SLC39A11: variants seen among roughly 807,000 people sequenced by gnomAD.
The protein encoded by SLC39A11 is zinc transporter ZIP11.
In SLC39A11, 33 loss-of-function variants were observed where a neutral mutation model predicts 36.1. That is an observed-to-expected ratio of 0.91 (90% confidence interval 0.69 to 1.22). The LOEUF (loss-of-function observed/expected upper bound fraction) is 1.22. SLC39A11 is among the 50% of genes most tolerant of loss of function. The pLI, the probability that SLC39A11 is intolerant of heterozygous loss-of-function variation, is 0.00. For synonymous variants in SLC39A11, 166 were observed against 170.3 expected, an observed-to-expected ratio of 0.97 and a Z score of 0.20; for missense variants, 432 against 430.3, an observed-to-expected ratio of 1.00 and a Z score of -0.03.
At chr17:73,075,015 C>T (rs1466410745) in intron 3 of SLC39A11, among the ~76,000 whole-genome samples, 1 of 152,172 alleles carries the variant, frequency 6.6e-6, no homozygotes, top group Non-Finnish European at 1.5e-5. Context: ...ACAGCAGACC[C>T]ACAGCAAATA....
chr17:73,065,657 C>A (rs541920423), intron 3 of SLC39A11, among the ~76,000 whole-genome samples: 1 of 152,288 alleles, frequency 6.6e-6, no homozygotes, highest in Non-Finnish European at 1.5e-5. Context: ...AATAACACAG[C>A]CCTTGGACTG....
intron 3 of SLC39A11, among the ~76,000 whole-genome samples, chr17:73,054,890 G>A (rs995558056): frequency 6.6e-6 from 1 of 151,970 alleles, no homozygotes. Flanking sequence ...ATCCCATCGT[G>A]GAGGGGGCTC....
intron 3 of SLC39A11, among the ~76,000 whole-genome samples, chr17:73,035,560 T>C (rs1427892217): frequency 1.3e-5 from 2 of 152,104 alleles, no homozygotes; most frequent in African/African-American, 4.8e-5. Flanking sequence ...ATTAAGGACC[T>C]GGAGATGGGG....
intron 3 of SLC39A11, among the ~76,000 whole-genome samples, chr17:73,080,405 A>T (rs2060471128): frequency 6.6e-6 from 1 of 152,198 alleles, no homozygotes; most frequent in Admixed American, 6.5e-5. Context: ...TATTCAACAA[A>T]TGGTGCTGGG....
At chr17:73,021,067 A>G (rs2058335753) in intron 4 of SLC39A11, among the ~76,000 whole-genome samples, 2 of 151,862 alleles carry the variant, frequency 1.3e-5, no homozygotes, top group African/African-American at 4.8e-5. Context: ...TCTACCCCCA[A>G]ACTTCACTTC....
chr17:73,005,848 G>A (rs1275443281), intron 4 of SLC39A11, among the ~76,000 whole-genome samples: 1 of 152,174 alleles, frequency 6.6e-6, no homozygotes, highest in Non-Finnish European at 1.5e-5. Context: ...CTACTCGGGA[G>A]TCTAAGGCAA....
rs35888661 is a variant in SLC39A11, at chr17:72,919,669, C to CAA, written c.430+28081_430+28082dup. Reference sequence around the variant, plus strand: ...ACTGGGCGACAGAGGGAGAGTCCGTCAAAAAAAAAAAAAAAAGAAAAAAAG... The same window carrying CAA: ...ACTGGGCGACAGAGGGAGAGTCCGTCAAAAAAAAAAAAAAAAAAGAAAAAAAG... On this transcript the variant is annotated intron_variant, in intron 5 of 9. Transcript: ENST00000255559. Among the ~76,000 whole-genome samples, 276 of 68,866 alleles carry CAA rather than the reference C, an allele frequency of 4.0e-3. 8 individuals are homozygous for CAA. The highest frequency in any genetic ancestry group is 0.028 in the Middle Eastern group (3 of 108). 45.2% of individuals were successfully genotyped at this position (68,866 alleles called of 152,430 possible). A position where few individuals can be genotyped will look rare whatever the true frequency, so the allele number is the denominator to read the frequency against.
chr17:72,849,674 G>A lies in SLC39A11; in HGVS notation c.561C>T (p.Ile187=), dbSNP rs755439919. ...TAGTGATGGCCAAGATGAGCAGTGC[G>A]ATCCTCCTCCAGCTGCTGCCGCCGG... is the stretch of plus-strand genomic sequence containing the variant. ...AQPGGSSWRR[I]ALLILAITIH... The change falls in exon 6 of 10, where the codon ATC becomes ATT. Residue 187 remains isoleucine (I), a synonymous_variant. Coordinates refer to ENST00000255559, the MANE Select transcript of SLC39A11 (RefSeq NM_139177.4). 23 of 1,605,080 alleles carry A rather than the reference G, an allele frequency of 1.4e-5. No homozygotes were observed. Among genetic ancestry groups the A allele is most frequent in the Admixed American group, 5.2e-5 (3 of 58,158 alleles).
At chr17:72,810,084 C>CA (rs10708067) in intron 6 of SLC39A11, among the ~76,000 whole-genome samples, 6,413 of 136,620 alleles carry the variant, frequency 0.047, 447 homozygotes, top group African/African-American at 0.16. Context: ...ACAAAAACAA[C>CA]AAAAAAAAAA....
intron 5 of SLC39A11, among the ~76,000 whole-genome samples, chr17:72,924,535 A>G (rs534635676): frequency 2.6e-5 from 4 of 152,160 alleles, no homozygotes; most frequent in Non-Finnish European, 5.9e-5. Context: ...CTGGTCTAAA[A>G]GAGACTGTGA....
At chr17:72,990,938 A>G (rs901208042) in intron 4 of SLC39A11, among the ~76,000 whole-genome samples, 1 of 152,218 alleles carries the variant, frequency 6.6e-6, no homozygotes, top group African/African-American at 2.4e-5. Context: ...CTACTGTCAA[A>G]TACAATTCGT....
chr17:72,751,503 T>G (rs886398782), intron 6 of SLC39A11, among the ~76,000 whole-genome samples: 2 of 152,208 alleles, frequency 1.3e-5, no homozygotes, highest in African/African-American at 4.8e-5. Flanking sequence ...AGCATCTTCC[T>G]CATTTTTAAG....
At chr17:72,869,399 T>C (rs2080487732) in intron 5 of SLC39A11, among the ~76,000 whole-genome samples, 1 of 152,236 alleles carries the variant, frequency 6.6e-6, no homozygotes, top group Non-Finnish European at 1.5e-5. Context: ...GGATTTTTAT[T>C]TATTTTTGAG....
intron 3 of SLC39A11, among the ~76,000 whole-genome samples, chr17:73,060,655 A>T (rs1348915451): frequency 4.0e-5 from 6 of 150,626 alleles, no homozygotes; most frequent in Non-Finnish European, 6.0e-5. Context: ...TAAAGGGGAG[A>T]TATTATACGA....
chr17:72,729,420 TATATATATATATATA>T (rs2074076325), intron 7 of SLC39A11, among the ~76,000 whole-genome samples: 1 of 2,334 alleles, frequency 4.3e-4, no homozygotes, highest in African/African-American at 1.4e-3. Context: ...TATATATATA[TATATATATATATATA>T]TATATATATA....
At chr17:73,091,235 C>G (rs1478267211) in intron 1 of SLC39A11, among the ~76,000 whole-genome samples, 1 of 152,152 alleles carries the variant, frequency 6.6e-6, no homozygotes, top group Non-Finnish European at 1.5e-5. Context: ...CGAGACCAGC[C>G]TGGCCAACAC....
intron 7 of SLC39A11, among the ~76,000 whole-genome samples, chr17:72,658,521 C>A (rs919478089): frequency 6.6e-6 from 1 of 152,212 alleles, no homozygotes; most frequent in African/African-American, 2.4e-5. Flanking sequence ...CTTCTCTTCT[C>A]CAGCATCCTC....
intron 5 of SLC39A11, among the ~76,000 whole-genome samples, chr17:72,910,115 A>G (rs1598382237): frequency 6.6e-6 from 1 of 151,978 alleles, no homozygotes; most frequent in South Asian, 2.1e-4. Context: ...CCTCAATTCT[A>G]TCACAACATT....
intron 5 of SLC39A11, among the ~76,000 whole-genome samples, chr17:72,933,803 A>T (rs1389838317): frequency 6.6e-6 from 1 of 152,244 alleles, no homozygotes; most frequent in Non-Finnish European, 1.5e-5. Context: ...TACAGGCGTG[A>T]GCCACCACGC....
Sources: allele counts gnomAD v4.1 joint callset (sites outside exome capture counted in the v4.1 genomes callset), GRCh38; gene constraint gnomAD v4.1.1; transcripts MANE v1.5; gene names NCBI Gene and HGNC (gene_info 2026-07-23, HGNC 2026-07-21).